RBFOX2: variants seen among roughly 807,000 people sequenced by gnomAD.
The protein encoded by RBFOX2 is RNA binding fox-1 homolog 2, also known as RNA binding protein fox-1 homolog 2.
RBFOX2 carries 10 observed loss-of-function variants against 49.1 expected under a neutral mutation model. That is an observed-to-expected ratio of 0.20 (90% CI 0.13 to 0.35). RBFOX2 has a LOEUF of 0.35. RBFOX2 is among the 10% of genes least tolerant of loss of function. RBFOX2 has a pLI of 1.00. For missense variants in RBFOX2, 323 were observed against 486.9 expected (o/e 0.66, Z 3.17); for synonymous variants, 183 against 187.4 (o/e 0.98, Z 0.19).
chr22:35,893,721 A>G (rs1211614653), intron 1 of RBFOX2, among the ~76,000 whole-genome samples: 2 of 152,230 alleles, frequency 1.3e-5, no homozygotes, highest in South Asian at 2.1e-4. Context: ...CCGAACATAC[A>G]CACATACATA....
chr22:35,845,762 T>A (rs2041103587), intron 1 of RBFOX2, among the ~76,000 whole-genome samples: 2 of 152,198 alleles, frequency 1.3e-5, no homozygotes, highest in Admixed American at 1.3e-4. Context: ...AACTGGGTTG[T>A]CAAGAAGATA....
intron 1 of RBFOX2, among the ~76,000 whole-genome samples, chr22:35,991,665 G>C (rs904460579): frequency 6.6e-6 from 1 of 152,156 alleles, no homozygotes. Context: ...GAAGAACCCT[G>C]AGATTCTGCA....
exon 12 of RBFOX2, chr22:35,743,372 A>G (rs1243679442): frequency 6.6e-6 from 1 of 152,212 alleles, no homozygotes. Context: ...CTGTGGTTCA[A>G]TTAAAGGAGA....
chr22:35,956,977 C>T (rs1049772977), intron 1 of RBFOX2, among the ~76,000 whole-genome samples: 4 of 152,288 alleles, frequency 2.6e-5, no homozygotes, highest in Non-Finnish European at 5.9e-5. Context: ...TGGTGAAGAA[C>T]ATAACTACTC....
chr22:35,901,222 C>G (rs937310026), intron 1 of RBFOX2, among the ~76,000 whole-genome samples: 1 of 152,172 alleles, frequency 6.6e-6, no homozygotes, highest in African/African-American at 2.4e-5. Context: ...TTTTAAGACT[C>G]CAAGATCATT....
intron 1 of RBFOX2, among the ~76,000 whole-genome samples, chr22:35,895,372 T>A (rs947254067): frequency 6.6e-6 from 1 of 152,162 alleles, no homozygotes. Flanking sequence ...TCAAGGCAAG[T>A]GAGCCAAGCT....
rs1482160435 is a variant in RBFOX2 at position 35,901,902 on chromosome 22, T to C, written c.-34+36945A>G. On this transcript the variant is annotated intron_variant, in intron 1 of 13. Transcript: ENST00000359369. ...TTCAAGACCAGCCTGGCCAACATGG[T>C]GAAACCCCATCTCTGCTGAAAATAC... Among the ~76,000 whole-genome samples, 4 of 151,922 alleles carry C rather than the reference T, an allele frequency of 2.6e-5. No homozygotes were observed. In the East Asian group the frequency reaches 7.7e-4, roughly 29 times the overall value.
In RBFOX2 at chr22:35,816,252, C is replaced by T. The variant is rs566826792; in HGVS notation, c.28-6248G>A. Reference sequence around the variant, plus strand: ...CTTCCTTCAGTATCTAAAATATTCTCGTTTTTTGTTTTGTTTTGTTTTGTT... The same window carrying T: ...CTTCCTTCAGTATCTAAAATATTCTTGTTTTTTGTTTTGTTTTGTTTTGTT... On this transcript the variant is annotated intron_variant, in intron 1 of 11. Transcript: ENST00000405409. Among the ~76,000 whole-genome samples, 16 of 152,168 alleles carry T rather than the reference C, an allele frequency of 1.1e-4. No homozygotes were observed. The South Asian group carries it at 1.9e-3, about 18-fold the overall frequency.
At chr22:35,808,284 AAATT>A (rs1234801013) in intron 2 of RBFOX2, among the ~76,000 whole-genome samples, 3 of 152,110 alleles carry the variant, frequency 2.0e-5, no homozygotes, top group Non-Finnish European at 4.4e-5. Flanking sequence ...CTAGACTCTT[AAATT>A]ATCTATTGTA....
rs754936229 is a variant in RBFOX2 at position 35,768,338 on chromosome 22, G to A, written c.465C>T (p.Phe155=). ...CATCAGCACTATTCTCGAAAGTTAC[G>A]AACCCGAATCCCTGCATGCAGCGGG... is the stretch of plus-strand genomic sequence containing the variant. Residue 155 remains phenylalanine (F), a synonymous_variant, in exon 5 of 12, where the codon TTC becomes TTT. Transcript: ENST00000405409. 5.0e-5 allele frequency: 80 copies of A among 1,613,804 alleles called. No individual in the cohort carries two copies. The highest frequency in any genetic ancestry group is 4.8e-4 in the Admixed American group (29 of 59,964).
chr22:35,816,254 T>C (rs994350225), intron 1 of RBFOX2, among the ~76,000 whole-genome samples: 4 of 152,032 alleles, frequency 2.6e-5, no homozygotes, highest in African/African-American at 9.7e-5. Flanking sequence ...AATATTCTCG[T>C]TTTTTGTTTT....
upstream of RBFOX2, among the ~76,000 whole-genome samples, chr22:35,962,662 C>G (rs6000046): frequency 1.3e-5 from 2 of 152,138 alleles, no homozygotes; most frequent in African/African-American, 2.4e-5. Flanking sequence ...AAATCCAGCT[C>G]TACTCACCTC....
upstream of RBFOX2, among the ~76,000 whole-genome samples, chr22:35,963,176 A>AGTCAAGAT (rs765591581): frequency 9.2e-5 from 14 of 151,852 alleles, no homozygotes; most frequent in Non-Finnish European, 1.9e-4. Flanking sequence ...AAGTCAAAAG[A>AGTCAAGAT]GTCAAGATGC....
intron 1 of RBFOX2, chr22:36,000,159 C>A (rs1481140256): frequency 6.6e-6 from 1 of 151,928 alleles, no homozygotes; most frequent in East Asian, 1.9e-4. Context: ...CGCCACTACA[C>A]CTGGCTAATT....
At chr22:36,012,136 A>G (rs1408623304) in intron 1 of RBFOX2, among the ~76,000 whole-genome samples, 1 of 152,230 alleles carries the variant, frequency 6.6e-6, no homozygotes, top group Non-Finnish European at 1.5e-5. Context: ...CTGTCATCCC[A>G]GTTCTACATG....
intron 2 of RBFOX2, among the ~76,000 whole-genome samples, chr22:35,800,346 C>T (rs575656716): frequency 2.0e-5 from 3 of 152,334 alleles, no homozygotes; most frequent in Admixed American, 2.0e-4. Flanking sequence ...ATTCTGCTCA[C>T]TTCATTTACT....
chr22:35,948,238 G>A (rs908500600), intron 1 of RBFOX2, among the ~76,000 whole-genome samples: 2 of 152,114 alleles, frequency 1.3e-5, no homozygotes, highest in South Asian at 4.1e-4. Flanking sequence ...GTATGACAAC[G>A]TATGCTTCAT....
intron 1 of RBFOX2, among the ~76,000 whole-genome samples, chr22:35,895,926 G>A (rs1366285901): frequency 6.6e-6 from 1 of 152,144 alleles, no homozygotes; most frequent in Admixed American, 6.5e-5. Flanking sequence ...CTATATGCCA[G>A]GCGAGTTTTC....
intron 2 of RBFOX2, among the ~76,000 whole-genome samples, chr22:35,793,298 G>A (rs536045125): frequency 8.6e-4 from 131 of 152,194 alleles, no homozygotes; most frequent in African/African-American, 3.0e-3. Context: ...GCTTGAACCC[G>A]GGGGGCAGAG....
Sources: gnomAD v4.1 joint callset for allele counts (sites outside exome capture counted in the v4.1 genomes callset) on GRCh38, gnomAD v4.1.1 for gene constraint, MANE v1.5 for transcripts, NCBI Gene and HGNC (gene_info 2026-07-23, HGNC 2026-07-21) for gene names.